Variants in PCDHGA8 observed in about 807,000 individuals in gnomAD.
PCDHGA8 encodes the protein protocadherin gamma-A8.
Under a neutral mutation model 59.2 loss-of-function variants are expected in PCDHGA8, and 45 were observed. The observed-to-expected ratio is 0.76, with a 90% CI of 0.60 to 0.98. The LOEUF (loss-of-function observed/expected upper bound fraction) is 0.98. Ranked by LOEUF, PCDHGA8 falls within the 50% of genes least tolerant of loss-of-function variation. The pLI is 0.00. For synonymous variants in PCDHGA8, 531 were observed against 519.0 expected (o/e 1.02, Z -0.32); for missense variants, 1,257 against 1,196.2 (o/e 1.05, Z -0.75).
chr5:141,472,980 C>CAAAAAAAAA (rs60579131), intron 1 of PCDHGA8, among the ~76,000 whole-genome samples: 30 of 86,054 alleles, frequency 3.5e-4, no homozygotes, highest in African/African-American at 5.0e-4. Context: ...GAGTGAAACT[C>CAAAAAAAAA]AAAAAAAAAA....
chr5:141,403,762 T>A (rs1217388200), intron 1 of PCDHGA8: 1 of 1,613,736 alleles, frequency 6.2e-7, no homozygotes, highest in Non-Finnish European at 8.5e-7. Flanking sequence ...GCGACCTGGA[T>A]GAGGGAATCA....
At position 141,491,134 on chromosome 5, in the gene PCDHGA8, C is replaced by T. The variant is rs1594979273; in HGVS notation, c.2425-3673C>T. Reference sequence around the variant, plus strand: ...ACACACTGGTGAGGTGCGCACAGCCCGGGCCTTACTGGAGGATGACTCTGA... The same window carrying T: ...ACACACTGGTGAGGTGCGCACAGCCTGGGCCTTACTGGAGGATGACTCTGA... On this transcript the variant is annotated intron_variant, in intron 1 of 3. Transcript: ENST00000398604. The surrounding 1 kb of genome is among the most constrained non-coding windows in gnomAD (Gnocchi z 6.9). The T allele has an allele frequency of 6.2e-7, 1 of 1,614,138 alleles. No homozygotes were observed. Among genetic ancestry groups the T allele is most frequent in the Non-Finnish European group, 8.5e-7 (1 of 1,179,994 alleles).
At chr5:141,399,798 G>A in intron 1 of PCDHGA8, 1 of 1,613,236 alleles carries the variant, frequency 6.2e-7, no homozygotes. Context: ...ACGCACCGCG[G>A]GTGCTGTACC....
At chr5:141,460,882 C>G (rs2098999926) in intron 1 of PCDHGA8, among the ~76,000 whole-genome samples, 1 of 149,600 alleles carries the variant, frequency 6.7e-6, no homozygotes, top group Non-Finnish European at 1.5e-5. Context: ...TTATTTCATG[C>G]CTTTTCGTGG....
rs1193417991 is a variant in PCDHGA8 at position 141,491,413 on chromosome 5, G to T, written c.2425-3394G>T. The T allele has an allele frequency of 6.2e-7, 1 of 1,614,064 alleles. No individual in the cohort carries two copies. Among genetic ancestry groups the T allele is most frequent in the South Asian group, 1.1e-5 (1 of 91,074 alleles). ...CCTTCAGGGAAACGCAGACGGGGAC[G>T]GGGGTGGAGGGCAGTGCTGCAGGCG... On this transcript the variant is annotated intron_variant, in intron 1 of 3. Transcript: ENST00000398604. This position sits in a 1 kb window ranked among gnomAD's most constrained non-coding sequence, Gnocchi z 6.9.
Position 141,419,737 on chromosome 5 carries a change from G to A in PCDHGA8, c.2424+24500G>A, listed in dbSNP as rs201663350. 29 of 1,613,836 alleles carry A rather than the reference G, an allele frequency of 1.8e-5. No individual in the cohort carries two copies. In the African/African-American group the frequency reaches 3.6e-4, roughly 20 times the overall value. ...GCCTGGGGCTGCGAACAGGCGAGGTGCGCATGGTGCGTGCTTTGGGTGACA... is the reference window on the plus strand; with the variant it reads ...GCCTGGGGCTGCGAACAGGCGAGGTACGCATGGTGCGTGCTTTGGGTGACA... On this transcript the variant is annotated intron_variant, in intron 1 of 3. Transcript: ENST00000398604.
chr5:141,459,993 G>T (rs1320315247), intron 1 of PCDHGA8, among the ~76,000 whole-genome samples: 1 of 152,164 alleles, frequency 6.6e-6, no homozygotes, highest in African/African-American at 2.4e-5. Context: ...CAGGAGAATC[G>T]CTTGAACCCA....
intron 1 of PCDHGA8, among the ~76,000 whole-genome samples, chr5:141,462,783 T>C (rs1313584666): frequency 6.6e-6 from 1 of 152,236 alleles, no homozygotes; most frequent in Non-Finnish European, 1.5e-5. Flanking sequence ...CATAATTTGT[T>C]GCTTATTTGC....
At chr5:141,417,940 C>G in intron 1 of PCDHGA8, 2 of 1,613,052 alleles carry the variant, frequency 1.2e-6, no homozygotes, top group Non-Finnish European at 1.7e-6. Context: ...TGTTCTACCC[C>G]ACGCTGTGTG....
intron 1 of PCDHGA8, among the ~76,000 whole-genome samples, chr5:141,483,778 G>T (rs1012545478): frequency 1.6e-4 from 24 of 152,222 alleles, no homozygotes; most frequent in African/African-American, 5.8e-4. Context: ...ATTGGGGAAG[G>T]ATAAGAACTC....
At chr5:141,405,035 G>C in intron 1 of PCDHGA8, 1 of 1,613,964 alleles carries the variant, frequency 6.2e-7, no homozygotes, top group South Asian at 1.1e-5. Context: ...CTACCTCGTT[G>C]TGGCTGTGGC....
intron 1 of PCDHGA8, among the ~76,000 whole-genome samples, chr5:141,438,621 TATATATATATATATAC>T (rs1472935962): frequency 0.016 from 652 of 41,356 alleles, 15 homozygotes; most frequent in East Asian, 0.15. Flanking sequence ...TATATATATA[TATATATATATATATAC>T]ACACACACAC....
intron 1 of PCDHGA8, among the ~76,000 whole-genome samples, chr5:141,454,062 A>T (rs548960162): frequency 6.6e-6 from 1 of 152,380 alleles, no homozygotes; most frequent in East Asian, 1.9e-4. Context: ...CAAAGAAACA[A>T]AAGTGATAAT....
intron 1 of PCDHGA8, among the ~76,000 whole-genome samples, chr5:141,466,826 G>A (rs978548667): frequency 1.2e-4 from 18 of 152,056 alleles, no homozygotes; most frequent in Admixed American, 8.5e-4. Flanking sequence ...TAACAAGTTA[G>A]TATGGGTTTA....
rs762190466 is a variant in PCDHGA8, at chr5:141,393,111, C to A, written c.298C>A (p.Pro100Thr). The change falls in exon 1 of 4, where the codon CCG (proline) becomes ACG (threonine). Residue 100 changes from proline (P) to threonine (T), a missense_variant. Coordinates refer to ENST00000398604, the MANE Select transcript of PCDHGA8 (RefSeq NM_032088.2). ...IDREELCAQSPRCLININTLV... is the reference protein window; with the variant it reads ...IDREELCAQSTRCLININTLV... The stretch of plus-strand genomic sequence containing the variant: ...TCGGGAGGAGCTCTGCGCTCAGAGC[C>A]CGCGGTGTCTGATAAATATTAACAC... 6.2e-7 allele frequency: 1 copy of A among 1,613,380 alleles called. No individual in the cohort carries two copies. Among genetic ancestry groups the A allele is most frequent in the African/African-American group, 1.3e-5 (1 of 74,936 alleles).
chr5:141,431,731 T>G lies in PCDHGA8; in HGVS notation c.2424+36494T>G. 6.2e-7 allele frequency: 1 copy of G among 1,614,210 alleles called. No homozygotes were observed. The highest frequency in any genetic ancestry group is 8.5e-7 in the Non-Finnish European group (1 of 1,180,034). Reference sequence around the variant, plus strand: ...AGATGGAAGTGCAAGCAATGGATAATGCAGGATATTCTGCGCGAGCCAAAG... The same window carrying G: ...AGATGGAAGTGCAAGCAATGGATAAGGCAGGATATTCTGCGCGAGCCAAAG... On this transcript the variant is annotated intron_variant, in intron 1 of 3. Coordinates refer to ENST00000398604, the MANE Select transcript of PCDHGA8 (RefSeq NM_032088.2). The surrounding 1 kb of genome is among the most constrained non-coding windows in gnomAD (Gnocchi z 4.8).
intron 1 of PCDHGA8, among the ~76,000 whole-genome samples, chr5:141,488,600 A>G (rs2099677400): frequency 6.6e-6 from 1 of 152,166 alleles, no homozygotes; most frequent in Admixed American, 6.5e-5. Flanking sequence ...AAGACTTTAC[A>G]AGGTTCTTAC....
In PCDHGA8 at chr5:141,418,244, C is replaced by T. The variant is rs746986702; in HGVS notation, c.2424+23007C>T. 1.3e-5 allele frequency: 21 copies of T among 1,613,980 alleles called. No individual in the cohort carries two copies. The South Asian group carries it at 2.2e-4, about 17-fold the overall frequency. ...TGTGGTGATTGAGGATGTTAATGAC[C>T]ACGCCCCTCAATTCCGGAAAGATGA... is the stretch of plus-strand genomic sequence containing the variant. On this transcript the variant is annotated intron_variant, in intron 1 of 3. Transcript: ENST00000398604.
intron 1 of PCDHGA8, chr5:141,430,604 A>C (rs1288378907): frequency 7.8e-6 from 5 of 641,158 alleles, no homozygotes; most frequent in Non-Finnish European, 1.2e-5. Context: ...CGCCTGAAGC[A>C]CAAAGCAGAT....
Sources: allele counts gnomAD v4.1 joint callset (sites outside exome capture counted in the v4.1 genomes callset), GRCh38; gene constraint gnomAD v4.1.1; non-coding constraint Gnocchi (gnomAD v3.1); transcripts MANE v1.5; gene names NCBI Gene and HGNC (gene_info 2026-07-23, HGNC 2026-07-21).